Variants in CACNB4 observed in about 807,000 individuals in gnomAD.
CACNB4 encodes calcium voltage-gated channel auxiliary subunit beta 4, also known as voltage-dependent L-type calcium channel subunit beta-4.
In CACNB4, 32 loss-of-function variants were observed where a neutral mutation model predicts 71.2. The observed-to-expected ratio is 0.45, with a 90% CI of 0.34 to 0.60. CACNB4 has a LOEUF of 0.60. Among genes scored for constraint, CACNB4 ranks in the 20% least tolerant of loss-of-function variants. The pLI is 0.01. For missense variants in CACNB4, 464 were observed against 647.9 expected (o/e 0.72, Z 3.08); for synonymous variants, 231 against 236.9 (o/e 0.97, Z 0.23).
intron 2 of CACNB4, among the ~76,000 whole-genome samples, chr2:152,030,748 G>A (rs1435110830): frequency 6.6e-6 from 1 of 152,194 alleles, no homozygotes; most frequent in Non-Finnish European, 1.5e-5. Context: ...GTTTCCAGCT[G>A]CCTCCATGTC....
chr2:151,998,588 T>C (rs1055676151), intron 2 of CACNB4, among the ~76,000 whole-genome samples: 1 of 152,172 alleles, frequency 6.6e-6, no homozygotes, highest in African/African-American at 2.4e-5. Context: ...GTGGAAATGA[T>C]AAGGCCTGTA....
rs143376177 is a variant in CACNB4 at position 151,943,860 on chromosome 2, T to G, written c.148-60490A>C. 6.9e-4 allele frequency among the ~76,000 whole-genome samples: 105 copies of G among 152,266 alleles called. 1 individual carries two copies. Among genetic ancestry groups the G allele is most frequent in the African/African-American group, 2.4e-3 (98 of 41,558 alleles). On this transcript the variant is annotated intron_variant, in intron 2 of 13. Transcript: ENST00000539935. ...GGACAGAACAAAGGCTGATGAACAA[T>G]TATTAGAGACTCCAATTTTACCTAC...
intron 2 of CACNB4, among the ~76,000 whole-genome samples, chr2:151,915,428 T>C (rs2099857208): frequency 6.6e-6 from 1 of 152,200 alleles, no homozygotes. Context: ...CAGTGCAGGC[T>C]GCTGTCCCTC....
intron 2 of CACNB4, among the ~76,000 whole-genome samples, chr2:151,988,739 A>G (rs1681519601): frequency 6.6e-6 from 1 of 152,104 alleles, no homozygotes; most frequent in African/African-American, 2.4e-5. Context: ...CTATAAGGAC[A>G]CTAATCCCAT....
intron 2 of CACNB4, among the ~76,000 whole-genome samples, chr2:151,884,955 A>T (rs1403440365): frequency 3.3e-5 from 5 of 152,214 alleles, no homozygotes; most frequent in South Asian, 2.1e-4. Flanking sequence ...TGGGGGAAAA[A>T]GCTTTAAGAA....
chr2:151,911,457 T>C (rs934219918), intron 2 of CACNB4, among the ~76,000 whole-genome samples: 4 of 152,064 alleles, frequency 2.6e-5, no homozygotes, highest in Admixed American at 6.6e-5. Flanking sequence ...ATAGCTCTTA[T>C]TATTTTGAGA....
intron 4 of CACNB4, among the ~76,000 whole-genome samples, chr2:151,878,685 A>G (rs1232851147): frequency 6.8e-6 from 1 of 147,746 alleles, no homozygotes; most frequent in Non-Finnish European, 1.5e-5. Flanking sequence ...ATTAGCTAGT[A>G]TAGTAGTGTA....
chr2:152,080,311 C>G (rs932148369), intron 2 of CACNB4, among the ~76,000 whole-genome samples: 2 of 151,956 alleles, frequency 1.3e-5, no homozygotes, highest in African/African-American at 4.8e-5. Flanking sequence ...TTAGTAGAGA[C>G]AGGGTTTCAC....
chr2:151,940,095 T>C (rs1004720432), intron 2 of CACNB4, among the ~76,000 whole-genome samples: 2 of 152,252 alleles, frequency 1.3e-5, no homozygotes, highest in Non-Finnish European at 2.9e-5. Flanking sequence ...TTGGCAAGTG[T>C]TAACATAAAT....
intron 2 of CACNB4, among the ~76,000 whole-genome samples, chr2:151,995,434 A>G (rs1681987289): frequency 6.6e-6 from 1 of 152,250 alleles, no homozygotes; most frequent in South Asian, 2.1e-4. Flanking sequence ...CCAAAAAAAT[A>G]AGGAAGTAAG....
At chr2:151,891,634 A>G (rs1039587866) in intron 2 of CACNB4, among the ~76,000 whole-genome samples, 1 of 152,266 alleles carries the variant, frequency 6.6e-6, no homozygotes, top group Admixed American at 6.5e-5. Flanking sequence ...ATCAATAAGC[A>G]CAATTAGCAA....
intron 2 of CACNB4, among the ~76,000 whole-genome samples, chr2:151,921,937 A>G (rs925113171): frequency 1.8e-4 from 28 of 152,152 alleles, no homozygotes; most frequent in African/African-American, 6.5e-4. Flanking sequence ...TGCTTCCTGT[A>G]CAGCCTTCAG....
chr2:151,944,936 C>T (rs1385996271), intron 2 of CACNB4, among the ~76,000 whole-genome samples: 1 of 152,002 alleles, frequency 6.6e-6, no homozygotes, highest in Non-Finnish European at 1.5e-5. Context: ...TAGATTGGGC[C>T]AATATTAATA....
intron 2 of CACNB4, among the ~76,000 whole-genome samples, chr2:151,975,912 GC>G (rs1447323059): frequency 7.9e-5 from 12 of 152,164 alleles, no homozygotes; most frequent in Admixed American, 5.9e-4. Flanking sequence ...GACAGAGGCA[GC>G]CCACTTTCAC....
In CACNB4 at chr2:152,008,267, T is replaced by C. The variant is rs566597346; in HGVS notation, c.147+90063A>G. On this transcript the variant is annotated intron_variant, in intron 2 of 13. Coordinates refer to ENST00000539935, the MANE Select transcript of CACNB4 (RefSeq NM_000726.5). ...TTCATCTCCATTTTGCAATTTACTT[T>C]TACTCCCTTGCTTTGTTCAGTCTTC... Among the ~76,000 whole-genome samples the C allele has an allele frequency of 5.9e-5, 9 of 152,154 alleles. No homozygotes were observed. In the East Asian group the frequency reaches 1.7e-3, roughly 29 times the overall value.
intron 2 of CACNB4, among the ~76,000 whole-genome samples, chr2:152,035,150 T>C (rs566760846): frequency 1.5e-4 from 23 of 152,338 alleles, no homozygotes; most frequent in African/African-American, 2.4e-4. Flanking sequence ...AACTCCACCA[T>C]GTTACAAGCA....
chr2:151,930,655 T>C (rs2099861408), intron 2 of CACNB4, among the ~76,000 whole-genome samples: 1 of 152,068 alleles, frequency 6.6e-6, no homozygotes, highest in South Asian at 2.1e-4. Context: ...CTGATAACAA[T>C]GGGGTAGATC....
chr2:152,005,638 C>T (rs1480206201), intron 2 of CACNB4, among the ~76,000 whole-genome samples: 5 of 152,202 alleles, frequency 3.3e-5, no homozygotes, highest in Non-Finnish European at 4.4e-5. Flanking sequence ...TGGAACAAAC[C>T]TGCACATGTA....
At chr2:152,015,313 A>C (rs886350462) in intron 2 of CACNB4, among the ~76,000 whole-genome samples, 1 of 152,148 alleles carries the variant, frequency 6.6e-6, no homozygotes, top group Non-Finnish European at 1.5e-5. Flanking sequence ...TTGGATTTTT[A>C]GTAGAGACGG....
Sources: allele counts gnomAD v4.1 joint callset (sites outside exome capture counted in the v4.1 genomes callset), GRCh38; gene constraint gnomAD v4.1.1; transcripts MANE v1.5; gene names NCBI Gene and HGNC (gene_info 2026-07-23, HGNC 2026-07-21).